The following NUP62CL variants were observed in gnomAD, a reference collection of about 807,000 sequenced individuals.
The protein encoded by NUP62CL is nucleoporin 62 C-terminal like, also known as nucleoporin-62 C-terminal-like protein.
NUP62CL carries 13 observed loss-of-function variants against 15.3 expected under a neutral mutation model. The observed-to-expected ratio is 0.85, with a 90% CI of 0.55 to 1.35. The LOEUF is 1.35. NUP62CL is among the 40% of genes most tolerant of loss of function. The pLI, the probability that NUP62CL is intolerant of heterozygous loss-of-function variation, is 0.00. For missense variants in NUP62CL, 123 were observed against 130.6 expected (o/e 0.94, Z 0.28); for synonymous variants, 54 against 49.2 (o/e 1.10, Z -0.41).
chrX:107,192,185 A>T (rs1927260972), intron 2 of NUP62CL, among the ~76,000 whole-genome samples: 1 of 112,007 alleles, frequency 8.9e-6, no homozygotes, highest in African/African-American at 3.2e-5. Flanking sequence ...ATAGAAAAAG[A>T]TCTCTCTAAA....
chrX:107,167,370 C>T (rs1171631014), intron 4 of NUP62CL, among the ~76,000 whole-genome samples: 1 of 111,886 alleles, frequency 8.9e-6, no homozygotes, highest in Non-Finnish European at 1.9e-5. Flanking sequence ...AATGCATTGT[C>T]ATCTTGCTAA....
At chrX:107,197,012 G>A (rs1278019635) in intron 1 of NUP62CL, among the ~76,000 whole-genome samples, 2 of 111,638 alleles carry the variant, frequency 1.8e-5, no homozygotes, top group Non-Finnish European at 3.8e-5. Context: ...TAGCATAGCC[G>A]AAATATTTTA....
chrX:107,125,465 C>T (rs976557666), intron 8 of NUP62CL, among the ~76,000 whole-genome samples: 3 of 110,611 alleles, frequency 2.7e-5, no homozygotes, highest in Non-Finnish European at 5.7e-5. Context: ...TAATTTTCTT[C>T]ACCCAATCAG....
chrX:107,152,135 G>GAT (rs5903301), intron 7 of NUP62CL, among the ~76,000 whole-genome samples: 23,630 of 47,059 alleles, frequency 0.5, 6,212 homozygotes, highest in Non-Finnish European at 0.59. Context: ...TATATATTCA[G>GAT]ATATATATAT....
chrX:107,177,291 G>T lies in NUP62CL; in HGVS notation c.-47-2098C>A, dbSNP rs139443033. 7.4e-3 allele frequency among the ~76,000 whole-genome samples: 820 copies of T among 111,445 alleles called. 8 individuals carry two copies. The highest frequency in any genetic ancestry group is 0.025 in the African/African-American group (765 of 30,792). On this transcript the variant is annotated intron_variant, in intron 2 of 8. Coordinates refer to ENST00000372466, the MANE Select transcript of NUP62CL (RefSeq NM_017681.3). ...ACAAAAATATGAAACATCATTGGAA[G>T]AAATTAAAGATGTTCTAAAGGATCT...
intron 4 of NUP62CL, 57 bp from the exon 5 acceptor site, chrX:107,154,303 A>G: frequency 9.8e-7 from 1 of 1,018,058 alleles, no homozygotes; most frequent in Non-Finnish European, 1.3e-6. Flanking sequence ...AAGTGTGATC[A>G]GATTTTAAAA....
chrX:107,124,323 C>T lies in NUP62CL; in HGVS notation c.*52G>A, dbSNP rs958235040. ...CCGTGTTACCACTTCTACCTTCCTT[C>T]GCAGCATGCCTATAGGAGAAAAAGT... is the stretch of plus-strand genomic sequence containing the variant. On this transcript the variant is annotated 3_prime_UTR_variant, in exon 9 of 9. Transcript: ENST00000372466. 3.0e-5 allele frequency: 10 copies of T among 338,979 alleles called. No individual in the cohort carries two copies. Among genetic ancestry groups the T allele is most frequent in the Admixed American group, 3.2e-5 (1 of 31,679 alleles). 27.9% of individuals were successfully genotyped at this position (338,979 alleles called of 1,213,427 possible). A position where few individuals can be genotyped will look rare whatever the true frequency, so the allele number is the denominator to read the frequency against.
At chrX:107,143,419 T>C (rs1925818943) in intron 8 of NUP62CL, among the ~76,000 whole-genome samples, 1 of 110,247 alleles carries the variant, frequency 9.1e-6, no homozygotes, top group Admixed American at 9.8e-5. Context: ...CTCACTTTGT[T>C]GCCCAGGCTG....
chrX:107,139,622 A>AAG (rs755017296), intron 8 of NUP62CL, among the ~76,000 whole-genome samples: 15 of 112,350 alleles, frequency 1.3e-4, no homozygotes, highest in Non-Finnish European at 1.9e-5. Context: ...CTAACTGCTT[A>AAG]ATATGGCTGG....
chrX:107,164,141 G>A (rs1292080306), intron 4 of NUP62CL, among the ~76,000 whole-genome samples: 3 of 111,076 alleles, frequency 2.7e-5, no homozygotes, highest in African/African-American at 9.8e-5. Flanking sequence ...AACTAAAATC[G>A]TACAAAGCAT....
At chrX:107,196,788 T>C (rs1285572004) in intron 1 of NUP62CL, among the ~76,000 whole-genome samples, 1 of 111,855 alleles carries the variant, frequency 8.9e-6, no homozygotes. Flanking sequence ...TAGGGGCCTA[T>C]ATGAAGTTCA....
chrX:107,162,911 C>T (rs764702075), intron 4 of NUP62CL, among the ~76,000 whole-genome samples: 1 of 110,794 alleles, frequency 9.0e-6, no homozygotes, highest in Non-Finnish European at 1.9e-5. Flanking sequence ...ATAGGGTTCA[C>T]GCTCCTATGA....
chrX:107,153,289 T>C lies in NUP62CL; in HGVS notation c.413A>G (p.Asp138Gly). The change falls in exon 7 of 9, where the codon GAT (aspartate) becomes GGT (glycine). Residue 138 changes from aspartate to glycine, a missense_variant. Coordinates refer to ENST00000372466, the MANE Select transcript of NUP62CL (RefSeq NM_017681.3). ...LDQKRLEQELDFILSQQQELE... is the reference protein window; with the variant it reads ...LDQKRLEQELGFILSQQQELE... ...TTCCTGCTGCTGTGACAGGATAAAA[T>C]CCAATTCTTGTTCCAATCTGAATAA... 1.7e-6 allele frequency: 2 copies of C among 1,207,498 alleles called. No homozygotes were observed. The highest frequency in any genetic ancestry group is 2.2e-6 in the Non-Finnish European group (2 of 892,999).
chrX:107,166,645 T>A (rs1182042695), intron 4 of NUP62CL, among the ~76,000 whole-genome samples: 2 of 111,825 alleles, frequency 1.8e-5, no homozygotes, highest in African/African-American at 6.5e-5. Flanking sequence ...TTTCATAATA[T>A]CCAAAAAACT....
chrX:107,183,963 C>T (rs181173489), intron 2 of NUP62CL, among the ~76,000 whole-genome samples: 16 of 110,126 alleles, frequency 1.5e-4, no homozygotes, highest in African/African-American at 5.3e-4. Flanking sequence ...GAAACCATGT[C>T]GGGGGCAGGA....
At chrX:107,152,061 T>TATATATTCAG (rs1926032274) in intron 7 of NUP62CL, among the ~76,000 whole-genome samples, 1 of 69,246 alleles carries the variant, frequency 1.4e-5, no homozygotes, top group Non-Finnish European at 2.4e-5. Context: ...TATATATATA[T>TATATATTCAG]ATATATATAT....
At chrX:107,147,276 A>C (rs1054431340) in intron 8 of NUP62CL, among the ~76,000 whole-genome samples, 1 of 111,610 alleles carries the variant, frequency 9.0e-6, no homozygotes, top group Non-Finnish European at 1.9e-5. Context: ...TCCTAGAAGG[A>C]TGCATCATCA....
intron 2 of NUP62CL, among the ~76,000 whole-genome samples, chrX:107,179,083 G>A (rs1926851569): frequency 9.7e-6 from 1 of 103,418 alleles, no homozygotes; most frequent in Admixed American, 1.1e-4. Flanking sequence ...AACAAAGCAA[G>A]ACTCCATCTC....
intron 2 of NUP62CL, among the ~76,000 whole-genome samples, chrX:107,185,196 CA>C (rs3072235): frequency 0.024 from 493 of 20,857 alleles, no homozygotes; most frequent in Non-Finnish European, 0.039. Context: ...GACTCCGTCT[CA>C]AAAAAAAAAA....
Sources: gnomAD v4.1 joint callset for allele counts (sites outside exome capture counted in the v4.1 genomes callset) on GRCh38, gnomAD v4.1.1 for gene constraint, MANE v1.5 for transcripts, NCBI Gene and HGNC (gene_info 2026-07-23, HGNC 2026-07-21) for gene names.